ART4: variants seen among roughly 807,000 people sequenced by gnomAD.
ART4 encodes the protein ADP-ribosyltransferase 4 (inactive) (Dombrock blood group), also known as ecto-ADP-ribosyltransferase 4.
In ART4, 14 loss-of-function variants were observed where a neutral mutation model predicts 24.2. That is an observed-to-expected ratio of 0.58 (90% CI 0.38 to 0.90). ART4 has a LOEUF of 0.90. Among genes scored for constraint, ART4 ranks in the 40% least tolerant of loss-of-function variants. The pLI, the probability that ART4 is intolerant of heterozygous loss-of-function variation, is 0.00. For synonymous variants in ART4, 145 were observed against 139.9 expected (o/e 1.04, Z -0.26); for missense variants, 356 against 366.6 (o/e 0.97, Z 0.24).
rs1190821463 is a variant in ART4, at chr12:14,828,959, T to C, written c.*412A>G. The C allele has an allele frequency of 6.5e-6, 1 of 153,296 alleles. No homozygotes were observed. The highest frequency in any genetic ancestry group is 2.4e-5 in the African/African-American group (1 of 41,482). The allele number at this position is 153,296 out of a possible 1,614,324, so 9.5% of individuals were successfully genotyped here. ...CCATTCAGAAAAGAAGCTCCCATTC[T>C]ATTTCCAATTGCAATTCCACAAAAG... On this transcript the variant is annotated 3_prime_UTR_variant, in exon 3 of 3. Transcript: ENST00000228936.
intron 2 of ART4, among the ~76,000 whole-genome samples, chr12:14,834,054 A>G (rs555159173): frequency 1.7e-4 from 26 of 152,348 alleles, no homozygotes; most frequent in African/African-American, 2.2e-4. Flanking sequence ...AGAGACACCA[A>G]TGCTATCACA....
intron 2 of ART4, among the ~76,000 whole-genome samples, chr12:14,836,019 G>T (rs1309098812): frequency 1.3e-5 from 2 of 152,110 alleles, no homozygotes; most frequent in African/African-American, 4.8e-5. Context: ...GTGGATTCCT[G>T]AAACTACAGG....
At chr12:14,836,480 G>A (rs1250006416) in intron 2 of ART4, among the ~76,000 whole-genome samples, 1 of 152,090 alleles carries the variant, frequency 6.6e-6, no homozygotes, top group African/African-American at 2.4e-5. Context: ...CACTCAGAAT[G>A]GCATACCATT....
chr12:14,843,215 C>A lies in ART4; in HGVS notation c.-102G>T. On this transcript the variant is annotated 5_prime_UTR_variant, in exon 1 of 3. Transcript: ENST00000228936. ...GTTTTCTTTCAGTCTCATCCGTAACCGTTTTTTCCCCTGTCTATGCTGAGC... is the reference window on the plus strand; with the variant it reads ...GTTTTCTTTCAGTCTCATCCGTAACAGTTTTTTCCCCTGTCTATGCTGAGC... The A allele has an allele frequency of 1.4e-6, 2 of 1,470,410 alleles. No individual in the cohort carries two copies. The highest frequency in any genetic ancestry group is 1.8e-6 in the Non-Finnish European group (2 of 1,081,826). The allele number at this position is 1,470,410 out of a possible 1,614,324, so 91.1% of individuals were successfully genotyped here. A position where few individuals can be genotyped will look rare whatever the true frequency, so the allele number is the denominator to read the frequency against.
intron 1 of ART4, among the ~76,000 whole-genome samples, chr12:14,842,546 A>G (rs1464530718): frequency 6.6e-6 from 1 of 152,250 alleles, no homozygotes; most frequent in Non-Finnish European, 1.5e-5. Context: ...TTAATATGTT[A>G]CTAGATCTCA....
Position 14,843,235 on chromosome 12 carries a change from C to T in ART4, c.-122G>A. On this transcript the variant is annotated 5_prime_UTR_variant, in exon 1 of 3. Coordinates refer to ENST00000228936, the MANE Select transcript of ART4 (RefSeq NM_021071.4). Reference sequence around the variant, plus strand: ...GTAACCGTTTTTTCCCCTGTCTATGCTGAGCAACTTCTGTTGCCCACCAAC... The same window carrying T: ...GTAACCGTTTTTTCCCCTGTCTATGTTGAGCAACTTCTGTTGCCCACCAAC... The T allele has an allele frequency of 5.7e-6, 7 of 1,233,976 alleles. No individual in the cohort carries two copies. Among genetic ancestry groups the T allele is most frequent in the Non-Finnish European group, 7.8e-6 (7 of 894,278 alleles). The allele number at this position is 1,233,976 out of a possible 1,614,324, so 76.4% of individuals were successfully genotyped here.
chr12:14,826,240 G>A lies in ART4; in HGVS notation c.*3131C>T, dbSNP rs1300424524. 6.6e-6 allele frequency: 1 copy of A among 152,204 alleles called. No homozygotes were observed. The highest frequency in any genetic ancestry group is 1.5e-5 in the Non-Finnish European group (1 of 68,036). 9.4% of individuals were successfully genotyped at this position (152,204 alleles called of 1,614,324 possible). A position where few individuals can be genotyped will look rare whatever the true frequency, so the allele number is the denominator to read the frequency against. The stretch of plus-strand genomic sequence containing the variant: ...GAGAGACTGAGGGGATGTGAGCTAT[G>A]TACATTTATCCTTAACCAAACTCAT... On this transcript the variant is annotated 3_prime_UTR_variant, in exon 3 of 3. Transcript: ENST00000228936.
At chr12:14,832,906 A>G (rs1056918969) in intron 2 of ART4, among the ~76,000 whole-genome samples, 4 of 152,004 alleles carry the variant, frequency 2.6e-5, no homozygotes, top group Non-Finnish European at 5.9e-5. Flanking sequence ...ACCTGGCATT[A>G]TTATTATTAT....
chr12:14,829,443 G>T lies in ART4; in HGVS notation c.873C>A (p.Ile291=), dbSNP rs757406732. The stretch of plus-strand genomic sequence containing the variant: ...GAGATGCAATAGCTATAGGATCAGG[G>T]ATGCATTTCTTGCTGGAAGCTGTAA... ...QLLKASSKKC[I]PDPIAIASLS... Residue 291 remains isoleucine (I), a synonymous_variant, in exon 3 of 3, where the codon ATC becomes ATA. Transcript: ENST00000228936. The T allele has an allele frequency of 3.7e-6, 6 of 1,608,024 alleles. No homozygotes were observed. The highest frequency in any genetic ancestry group is 1.1e-5 in the South Asian group (1 of 89,414).
At chr12:14,836,221 C>T (rs1193477790) in intron 2 of ART4, among the ~76,000 whole-genome samples, 5 of 149,356 alleles carry the variant, frequency 3.3e-5, no homozygotes, top group African/African-American at 1.2e-4. Flanking sequence ...TTTTTTCTTT[C>T]TTTCTATTAA....
Position 14,826,108 on chromosome 12 carries a change from A to C in ART4, c.*3263T>G, listed in dbSNP as rs1950358537. ...TAACAAATTTATCCCAGCAGAAATT[A>C]CAGTGAAATTTCTAAAACTAGTCTC... On this transcript the variant is annotated 3_prime_UTR_variant, in exon 3 of 3. Transcript: ENST00000228936. 1.3e-5 allele frequency: 2 copies of C among 152,260 alleles called. No homozygotes were observed. The highest frequency in any genetic ancestry group is 4.8e-5 in the African/African-American group (2 of 41,472). The allele number at this position is 152,260 out of a possible 1,614,324, so 9.4% of individuals were successfully genotyped here. A position where few individuals can be genotyped will look rare whatever the true frequency, so the allele number is the denominator to read the frequency against.
rs1950361557 is a variant in ART4 at position 14,826,627 on chromosome 12, T to G, written c.*2744A>C. On this transcript the variant is annotated 3_prime_UTR_variant, in exon 3 of 3. Coordinates refer to ENST00000228936, the MANE Select transcript of ART4 (RefSeq NM_021071.4). ...GGAAATCAAATGCTTTTGGCTGACT[T>G]TTTAGCTTCACTGAGTGGCTTCCAA... The G allele has an allele frequency of 2.6e-5, 4 of 152,328 alleles. No individual in the cohort carries two copies. The South Asian group carries it at 8.3e-4, about 32-fold the overall frequency. 9.4% of individuals were successfully genotyped at this position (152,328 alleles called of 1,614,324 possible). A position where few individuals can be genotyped will look rare whatever the true frequency, so the allele number is the denominator to read the frequency against.
chr12:14,841,917 C>G (rs1268987098), intron 1 of ART4, among the ~76,000 whole-genome samples: 2 of 152,200 alleles, frequency 1.3e-5, no homozygotes, highest in Non-Finnish European at 2.9e-5. Flanking sequence ...CAGAGCCAAA[C>G]TCAGCACACC....
Position 14,829,145 on chromosome 12 carries a change from A to G in ART4, c.*226T>C. ...GCTCTGCATCAGTTGCTAGCTGGGC[A>G]GAGTGATTTCCCCAAGAGTACTTAG... On this transcript the variant is annotated 3_prime_UTR_variant, in exon 3 of 3. Transcript: ENST00000228936. 1 of 336,320 alleles carries G rather than the reference A, an allele frequency of 3.0e-6. No homozygotes were observed. The highest frequency in any genetic ancestry group is 5.3e-5 in the East Asian group (1 of 19,008). 20.8% of individuals were successfully genotyped at this position (336,320 alleles called of 1,614,324 possible). A position where few individuals can be genotyped will look rare whatever the true frequency, so the allele number is the denominator to read the frequency against.
chr12:14,831,624 G>C (rs1332131659), intron 2 of ART4, among the ~76,000 whole-genome samples: 1 of 151,832 alleles, frequency 6.6e-6, no homozygotes, highest in Non-Finnish European at 1.5e-5. Context: ...TTGATCCTTG[G>C]ACATTTTCTC....
chr12:14,833,656 A>C (rs775853334), intron 2 of ART4, among the ~76,000 whole-genome samples: 3 of 152,210 alleles, frequency 2.0e-5, no homozygotes, highest in Non-Finnish European at 2.9e-5. Flanking sequence ...GCCTTAGGGT[A>C]TAAAGTCTGG....
rs993118823 is a variant in ART4, at chr12:14,826,556, A to T, written c.*2815T>A. On this transcript the variant is annotated 3_prime_UTR_variant, in exon 3 of 3. Coordinates refer to ENST00000228936, the MANE Select transcript of ART4 (RefSeq NM_021071.4). ...TATTGCTGCTTGTGCCTAGAGAGTCAACGCTTTAGGAGAATTGTCTTACTC... is the reference window on the plus strand; with the variant it reads ...TATTGCTGCTTGTGCCTAGAGAGTCTACGCTTTAGGAGAATTGTCTTACTC... The T allele has an allele frequency of 5.9e-5, 9 of 152,156 alleles. No individual in the cohort carries two copies. The highest frequency in any genetic ancestry group is 2.2e-4 in the African/African-American group (9 of 41,434). The allele number at this position is 152,156 out of a possible 1,614,324, so 9.4% of individuals were successfully genotyped here. A position where few individuals can be genotyped will look rare whatever the true frequency, so the allele number is the denominator to read the frequency against.
chr12:14,832,512 C>T lies in ART4; in HGVS notation c.854-3050G>A, dbSNP rs190878980. 2.2e-3 allele frequency among the ~76,000 whole-genome samples: 341 copies of T among 152,272 alleles called. 1 individual carries two copies. Among genetic ancestry groups the T allele is most frequent in the Non-Finnish European group, 4.1e-3 (278 of 68,026 alleles). On this transcript the variant is annotated intron_variant, in intron 2 of 2. Coordinates refer to ENST00000228936, the MANE Select transcript of ART4 (RefSeq NM_021071.4). The stretch of plus-strand genomic sequence containing the variant: ...TTATTTTTCATCTTAGTATGTACCA[C>T]CTACTAACTACGACATAATTTACTT...
In ART4 at chr12:14,840,819, T is replaced by G; in HGVS notation, c.479A>C (p.His160Pro). The G allele has an allele frequency of 6.2e-7, 1 of 1,614,184 alleles. No homozygotes were observed. Among genetic ancestry groups the G allele is most frequent in the African/African-American group, 1.3e-5 (1 of 75,056 alleles). Residue 160 changes from histidine to proline, a missense_variant, in exon 2 of 3, where the codon CAC becomes CCC. His to Pro is a moderately conservative substitution (Grantham distance 77, BLOSUM62 -2). Coordinates refer to ENST00000228936, the MANE Select transcript of ART4 (RefSeq NM_021071.4). ...CTGGATTGCTGAGGTGAGGTAGTAGTGTAAATATTTGAAGTGGAATGAACG... is the reference window on the plus strand; with the variant it reads ...CTGGATTGCTGAGGTGAGGTAGTAGGGTAAATATTTGAAGTGGAATGAACG... ...YERSFHFKYL[H>P]YYLTSAIQLL...
Sources: allele counts gnomAD v4.1 joint callset (sites outside exome capture counted in the v4.1 genomes callset), GRCh38; gene constraint gnomAD v4.1.1; transcripts MANE v1.5; gene names NCBI Gene and HGNC (gene_info 2026-07-23, HGNC 2026-07-21).